CACNA2D1: variants seen among roughly 807,000 people sequenced by gnomAD.
The protein encoded by CACNA2D1 is calcium voltage-gated channel auxiliary subunit alpha2delta 1.
In CACNA2D1, 53 loss-of-function variants were observed where a neutral mutation model predicts 171.5. The ratio of observed to expected loss-of-function variants is 0.31; its 90% CI spans 0.25 to 0.39. CACNA2D1 has a LOEUF of 0.39. Ranked by LOEUF, CACNA2D1 falls within the 10% of genes least tolerant of loss-of-function variation. The pLI is 1.00. For missense variants in CACNA2D1, 903 were observed against 1,299.8 expected (o/e 0.69, Z 4.69); for synonymous variants, 442 against 443.1 (o/e 1.00, Z 0.03).
chr7:82,301,730 TACACACACACACACAC>T (rs4018910), intron 3 of CACNA2D1, among the ~76,000 whole-genome samples: 122 of 142,276 alleles, frequency 8.6e-4, no homozygotes, highest in Middle Eastern at 7.1e-3. Flanking sequence ...TGGTAAATAA[TACACACACACACACAC>T]ACACACACAC....
intron 3 of CACNA2D1, among the ~76,000 whole-genome samples, chr7:82,203,696 C>T (rs1357464300): frequency 6.6e-6 from 1 of 152,154 alleles, no homozygotes; most frequent in Non-Finnish European, 1.5e-5. Context: ...GCATGGAGTG[C>T]TTGAGAACAC....
chr7:82,039,110 G>A (rs1477027634), intron 10 of CACNA2D1, among the ~76,000 whole-genome samples: 1 of 152,066 alleles, frequency 6.6e-6, no homozygotes, highest in East Asian at 1.9e-4. Flanking sequence ...TGTCACATCT[G>A]CAGAATGGGA....
chr7:82,215,431 A>C (rs1800999610), intron 3 of CACNA2D1, among the ~76,000 whole-genome samples: 1 of 152,196 alleles, frequency 6.6e-6, no homozygotes, highest in East Asian at 1.9e-4. Context: ...AGGGTGTTTC[A>C]GTAACAGTAT....
chr7:82,232,006 C>T (rs1348546137), intron 3 of CACNA2D1, among the ~76,000 whole-genome samples: 1 of 152,086 alleles, frequency 6.6e-6, no homozygotes, highest in Non-Finnish European at 1.5e-5. Flanking sequence ...TATTTTATTA[C>T]TCTGTGACAT....
At chr7:82,355,786 T>C (rs1210967185) in intron 1 of CACNA2D1, among the ~76,000 whole-genome samples, 1 of 152,062 alleles carries the variant, frequency 6.6e-6, no homozygotes, top group Non-Finnish European at 1.5e-5. Flanking sequence ...TCTCCTTCCT[T>C]ACTTCTCTTT....
rs1811108764 is a variant in CACNA2D1 at position 82,091,156 on chromosome 7, G to A, written c.527-6256C>T. On this transcript the variant is annotated intron_variant, in intron 6 of 38. Coordinates refer to ENST00000356860, the MANE Select transcript of CACNA2D1 (RefSeq NM_000722.4). ...ATGAATGAATCTTTTCAGTGGATTT[G>A]GCTAATGGAATCTCATCTAATCCCA... Among the ~76,000 whole-genome samples, 5 of 152,228 alleles carry A rather than the reference G, an allele frequency of 3.3e-5. No individual in the cohort carries two copies. In the South Asian group the frequency reaches 8.3e-4, roughly 25 times the overall value.
At chr7:82,217,394 C>CATACATATATATATATATATAT (rs1554466924) in intron 3 of CACNA2D1, among the ~76,000 whole-genome samples, 1 of 102,546 alleles carries the variant, frequency 9.8e-6, no homozygotes, top group African/African-American at 5.5e-5. Context: ...CACACACATA[C>CATACATATATATATATATATAT]ATATATATAT....
rs1243371209 is a variant in CACNA2D1, at chr7:82,378,927, A to C, written c.96-29278T>G. ...GCTGCTGTTGCTACTGTATGTGTGCAGGGGTTGACTCGTGTGTGTGTGTGT... is the reference window on the plus strand; with the variant it reads ...GCTGCTGTTGCTACTGTATGTGTGCCGGGGTTGACTCGTGTGTGTGTGTGT... On this transcript the variant is annotated intron_variant, in intron 1 of 38. Coordinates refer to ENST00000356860, the MANE Select transcript of CACNA2D1 (RefSeq NM_000722.4). Among the ~76,000 whole-genome samples, 4 of 129,698 alleles carry C rather than the reference A, an allele frequency of 3.1e-5. No individual in the cohort carries two copies. The East Asian group carries it at 7.2e-4, about 23-fold the overall frequency. The allele number at this position is 129,698 out of a possible 152,430, so 85.1% of individuals were successfully genotyped here. A position where few individuals can be genotyped will look rare whatever the true frequency, so the allele number is the denominator to read the frequency against.
At chr7:82,090,274 A>G (rs1810995768) in intron 6 of CACNA2D1, among the ~76,000 whole-genome samples, 3 of 152,152 alleles carry the variant, frequency 2.0e-5, no homozygotes, top group Admixed American at 1.3e-4. Context: ...GCTTTCTAAT[A>G]AAGCAGATTT....
At position 82,060,178 on chromosome 7, in the gene CACNA2D1, A is replaced by AATAT. The variant is rs1491531516; in HGVS notation, c.879+246_879+249dup. On this transcript the variant is annotated intron_variant, in intron 10 of 38. Transcript: ENST00000356860. Reference sequence around the variant, plus strand: ...TTATATATATATAATATATATATATAATATATATATATTATATATATATTA... The same window carrying AATAT: ...TTATATATATATAATATATATATATAATATATATATATATATTATATATATATTA... 1.9e-4 allele frequency among the ~76,000 whole-genome samples: 3 copies of AATAT among 15,924 alleles called. No homozygotes were observed. The South Asian group carries it at 7.5e-3, about 40-fold the overall frequency. 10.4% of individuals were successfully genotyped at this position (15,924 alleles called of 152,430 possible).
At chr7:81,956,369 C>G (rs1178716860) in intron 38 of CACNA2D1, among the ~76,000 whole-genome samples, 2 of 151,988 alleles carry the variant, frequency 1.3e-5, no homozygotes, top group South Asian at 2.1e-4. Flanking sequence ...ACCTATAAAT[C>G]TTATCTAAAA....
rs920034149 is a variant in CACNA2D1, at chr7:82,443,721, A to C, written c.-262T>G. 5.7e-6 allele frequency: 7 copies of C among 1,234,104 alleles called. No homozygotes were observed. The East Asian group carries it at 1.3e-4, about 22-fold the overall frequency. 76.4% of individuals were successfully genotyped at this position (1,234,104 alleles called of 1,614,324 possible). On this transcript the variant is annotated 5_prime_UTR_variant, in exon 1 of 39. Coordinates refer to ENST00000356860, the MANE Select transcript of CACNA2D1 (RefSeq NM_000722.4). ...CGGCCGCCTTGCCTCCGCCGCCATC[A>C]AGGGCGACTTTGGAAACAGACCTCG...
At chr7:82,113,763 A>G (rs923420599) in intron 6 of CACNA2D1, among the ~76,000 whole-genome samples, 2 of 152,196 alleles carry the variant, frequency 1.3e-5, no homozygotes, top group Non-Finnish European at 2.9e-5. Context: ...AATACTGGTA[A>G]TTATTAAATT....
intron 3 of CACNA2D1, among the ~76,000 whole-genome samples, chr7:82,282,996 TTTTTAACTTTATAATAGAACCTTCA>T (rs1181065691): frequency 6.6e-6 from 1 of 152,154 alleles, no homozygotes; most frequent in Non-Finnish European, 1.5e-5. Flanking sequence ...TTTTCAAATA[TTTTTAACTTTATAATAGAACCTTCA>T]TTTAAACATC....
intron 21 of CACNA2D1, among the ~76,000 whole-genome samples, chr7:81,987,508 T>G (rs947938220): frequency 6.6e-6 from 1 of 152,172 alleles, no homozygotes; most frequent in Non-Finnish European, 1.5e-5. Flanking sequence ...AGAGAAAGCA[T>G]CCTATTAAAA....
intron 6 of CACNA2D1, among the ~76,000 whole-genome samples, chr7:82,108,812 A>C (rs1788048462): frequency 6.6e-6 from 1 of 152,192 alleles, no homozygotes; most frequent in Non-Finnish European, 1.5e-5. Context: ...TGCCAAACTT[A>C]TTAATTATGG....
intron 3 of CACNA2D1, among the ~76,000 whole-genome samples, chr7:82,229,258 T>A (rs935809866): frequency 2.0e-5 from 3 of 152,116 alleles, no homozygotes; most frequent in Non-Finnish European, 2.9e-5. Flanking sequence ...ACATCAAACC[T>A]TGTATCCCAA....
intron 24 of CACNA2D1, among the ~76,000 whole-genome samples, chr7:81,976,248 T>C (rs1190376807): frequency 1.3e-5 from 2 of 152,164 alleles, no homozygotes; most frequent in Non-Finnish European, 1.5e-5. Flanking sequence ...TTTGGTTCCA[T>C]ATGAAATTTA....
intron 6 of CACNA2D1, among the ~76,000 whole-genome samples, chr7:82,112,878 C>T (rs558184449): frequency 6.6e-6 from 1 of 152,224 alleles, no homozygotes; most frequent in East Asian, 1.9e-4. Flanking sequence ...TAAGATAACA[C>T]AATTGAATAT....
Sources: allele counts gnomAD v4.1 joint callset (sites outside exome capture counted in the v4.1 genomes callset), GRCh38; gene constraint gnomAD v4.1.1; transcripts MANE v1.5; gene names NCBI Gene and HGNC (gene_info 2026-07-23, HGNC 2026-07-21).